The following DPYSL2 variants were observed in gnomAD, a reference collection of about 807,000 sequenced individuals.
DPYSL2 encodes the protein dihydropyrimidinase like 2.
A neutral mutation model predicts 69.9 loss-of-function variants in DPYSL2; 13 were observed. The ratio of observed to expected loss-of-function variants is 0.19; its 90% confidence interval spans 0.12 to 0.30. The LOEUF (loss-of-function observed/expected upper bound fraction) is 0.30, where lower values mean the gene tolerates loss of function less well. Ranked by LOEUF, DPYSL2 falls within the 10% of genes least tolerant of loss-of-function variation. The pLI, the probability that DPYSL2 is intolerant of heterozygous loss-of-function variation, is 1.00. For synonymous variants in DPYSL2, 326 were observed against 359.1 expected (o/e 0.91, Z 1.04); for missense variants, 587 against 918.9 (o/e 0.64, Z 4.67).
Position 26,617,328 on chromosome 8 carries a change from C to CATA in DPYSL2, c.629-6801_629-6799dup, listed in dbSNP as rs1485865418. Among the ~76,000 whole-genome samples, 8 of 152,016 alleles carry CATA rather than the reference C, an allele frequency of 5.3e-5. No homozygotes were observed. In the South Asian group the frequency reaches 1.0e-3, roughly 20 times the overall value. On this transcript the variant is annotated intron_variant, in intron 3 of 13. Coordinates refer to ENST00000521913, the MANE Select transcript of DPYSL2 (RefSeq NM_001197293.3). The surrounding 1 kb of genome is among the most constrained non-coding windows in gnomAD (Gnocchi z 4.7). ...CATAGCGAGACCTATTGTCTCTACA[C>CATA]ATAATAATAATAATAAAATTAGACA...
intron 1 of DPYSL2, among the ~76,000 whole-genome samples, chr8:26,556,962 A>ATTCAGTGT (rs1800998182): frequency 6.6e-6 from 1 of 152,184 alleles, no homozygotes; most frequent in Non-Finnish European, 1.5e-5. Flanking sequence ...AACAAGGACA[A>ATTCAGTGT]TTCAGTGTTG....
At chr8:26,559,282 CA>C (rs1801037788) in intron 1 of DPYSL2, among the ~76,000 whole-genome samples, 1 of 152,160 alleles carries the variant, frequency 6.6e-6, no homozygotes, top group Non-Finnish European at 1.5e-5. Flanking sequence ...CATTCATAAA[CA>C]TGAATATTTG....
At chr8:26,578,830 A>T (rs1801420677) in intron 1 of DPYSL2, among the ~76,000 whole-genome samples, 1 of 152,176 alleles carries the variant, frequency 6.6e-6, no homozygotes, top group African/African-American at 2.4e-5. Flanking sequence ...AGGGATGCTG[A>T]AAAGGGCAGG....
chr8:26,596,737 G>A (rs1407492754), intron 3 of DPYSL2, among the ~76,000 whole-genome samples: 1 of 152,242 alleles, frequency 6.6e-6, no homozygotes, highest in East Asian at 1.9e-4. Flanking sequence ...CTTGCCTGAA[G>A]CCACAGAGCC....
chr8:26,557,924 C>T (rs369599917), intron 1 of DPYSL2, among the ~76,000 whole-genome samples: 1 of 151,740 alleles, frequency 6.6e-6, no homozygotes, highest in Non-Finnish European at 1.5e-5. Context: ...GAGTTCCTGT[C>T]GCTCTACATC....
At chr8:26,631,875 A>G (rs1256934333) in intron 7 of DPYSL2, among the ~76,000 whole-genome samples, 1 of 152,216 alleles carries the variant, frequency 6.6e-6, no homozygotes, top group Non-Finnish European at 1.5e-5. Flanking sequence ...GAGTTTGTCA[A>G]GAGGGATCTG....
intron 1 of DPYSL2, among the ~76,000 whole-genome samples, chr8:26,567,627 G>C (rs900627003): frequency 6.6e-5 from 10 of 152,262 alleles, no homozygotes; most frequent in Non-Finnish European, 1.3e-4. Flanking sequence ...ATAAGAGAAG[G>C]AGTGGTCAGC....
At position 26,533,394 on chromosome 8, in the gene DPYSL2, T is replaced by G. The variant is rs2117614060; in HGVS notation, c.354+18715T>G. On this transcript the variant is annotated intron_variant, in intron 1 of 13. Coordinates refer to ENST00000521913, the MANE Select transcript of DPYSL2 (RefSeq NM_001197293.3). The surrounding 1 kb of genome is among the most constrained non-coding windows in gnomAD (Gnocchi z 4.8). ...CAAAGTGTAACTTATCTATCTTTTCTTTTGTTGCTTGTACTTTTGGTATCC... is the reference window on the plus strand; with the variant it reads ...CAAAGTGTAACTTATCTATCTTTTCGTTTGTTGCTTGTACTTTTGGTATCC... Among the ~76,000 whole-genome samples, 1 of 152,376 alleles carries G rather than the reference T, an allele frequency of 6.6e-6. No homozygotes were observed. Among genetic ancestry groups the G allele is most frequent in the African/African-American group, 2.4e-5 (1 of 41,590 alleles).
chr8:26,534,655 G>T (rs139144892), intron 1 of DPYSL2, among the ~76,000 whole-genome samples: 57 of 151,628 alleles, frequency 3.8e-4, no homozygotes, highest in African/African-American at 1.2e-3. Context: ...TATTATTTAA[G>T]ACAGGGTCTC....
At chr8:26,557,916 G>T (rs1333776865) in intron 1 of DPYSL2, among the ~76,000 whole-genome samples, 9 of 151,828 alleles carry the variant, frequency 5.9e-5, no homozygotes, top group Admixed American at 5.9e-4. Context: ...GCAATGGAGA[G>T]TTCCTGTCGC....
At position 26,517,190 on chromosome 8, in the gene DPYSL2, AAG is replaced by A. The variant is rs139556451; in HGVS notation, c.354+2514_354+2515del. Among the ~76,000 whole-genome samples the A allele has an allele frequency of 0.11, 17,080 of 152,212 alleles. 1,088 individuals carry two copies. The highest frequency in any genetic ancestry group is 0.14 in the Non-Finnish European group (9,851 of 68,002). On this transcript the variant is annotated intron_variant, in intron 1 of 13. Coordinates refer to ENST00000521913, the MANE Select transcript of DPYSL2 (RefSeq NM_001197293.3). The surrounding 1 kb of genome is among the most constrained non-coding windows in gnomAD (Gnocchi z 4.2). Reference sequence around the variant, plus strand: ...TGTGGCTTTGCTCATCTGTTGCACTAAGAGGCCTGCTGTTCCCCTAACAAGGC... The same window carrying A: ...TGTGGCTTTGCTCATCTGTTGCACTAAGGCCTGCTGTTCCCCTAACAAGGC...
At position 26,525,429 on chromosome 8, in the gene DPYSL2, C is replaced by T. The variant is rs981381543; in HGVS notation, c.354+10750C>T. Among the ~76,000 whole-genome samples, 4 of 152,142 alleles carry T rather than the reference C, an allele frequency of 2.6e-5. No individual in the cohort carries two copies. The South Asian group carries it at 8.3e-4, about 32-fold the overall frequency. On this transcript the variant is annotated intron_variant, in intron 1 of 13. Transcript: ENST00000521913. ...TAGAGATGGGATCTCACTATGTTGC[C>T]CAGGCTGGTCATGAACTCCAGGGCT...
Position 26,516,064 on chromosome 8 carries a change from GT to G in DPYSL2, c.354+1386del, listed in dbSNP as rs1282453956. Among the ~76,000 whole-genome samples, 2 of 152,140 alleles carry G rather than the reference GT, an allele frequency of 1.3e-5. No individual in the cohort carries two copies. The highest frequency in any genetic ancestry group is 4.8e-5 in the African/African-American group (2 of 41,418). On this transcript the variant is annotated intron_variant, in intron 1 of 13. Transcript: ENST00000521913. The surrounding 1 kb of genome is among the most constrained non-coding windows in gnomAD (Gnocchi z 4.8). ...TTTTGCAGCTTTTGACTTTTGTAGG[GT>G]CAAGTCTAGGAAAAACAAGGCATTT... is the stretch of plus-strand genomic sequence containing the variant.
In DPYSL2 at chr8:26,628,081, G is replaced by C; in HGVS notation, c.1005+141G>C. 3.6e-6 allele frequency: 3 copies of C among 824,320 alleles called. No individual in the cohort carries two copies. In the South Asian group the frequency reaches 4.8e-5, roughly 13 times the overall value. 51.1% of individuals were successfully genotyped at this position (824,320 alleles called of 1,614,324 possible). A position where few individuals can be genotyped will look rare whatever the true frequency, so the allele number is the denominator to read the frequency against. Reference sequence around the variant, plus strand: ...CTTTCTGAGAAGCTGTGGGTCACGTGTGTGTCTGTCTGTCTACGCAGGCAA... The same window carrying C: ...CTTTCTGAGAAGCTGTGGGTCACGTCTGTGTCTGTCTGTCTACGCAGGCAA... On this transcript the variant is annotated intron_variant, in intron 7 of 13. Transcript: ENST00000521913.
chr8:26,578,007 C>G, intron 1 of DPYSL2: 1 of 1,377,872 alleles, frequency 7.3e-7, no homozygotes, highest in Non-Finnish European at 9.3e-7. Flanking sequence ...CTCTCTCTCT[C>G]TCTCTCTCTC....
In DPYSL2 at chr8:26,654,479, A is replaced by T. The variant is rs1266493239; in HGVS notation, c.1942+1082A>T. Among the ~76,000 whole-genome samples the T allele has an allele frequency of 6.6e-6, 1 of 152,170 alleles. No homozygotes were observed. The highest frequency in any genetic ancestry group is 1.9e-4 in the East Asian group (1 of 5,202). On this transcript the variant is annotated intron_variant, in intron 13 of 13. Coordinates refer to ENST00000521913, the MANE Select transcript of DPYSL2 (RefSeq NM_001197293.3). The surrounding 1 kb of genome is among the most constrained non-coding windows in gnomAD (Gnocchi z 5.0). ...TTAGAAAGTAACCTATGTCCCATAT[A>T]TGGATTACCAGTTTTCAAAACATTT...
At chr8:26,573,450 C>T (rs938011825) in intron 1 of DPYSL2, among the ~76,000 whole-genome samples, 4 of 151,834 alleles carry the variant, frequency 2.6e-5, no homozygotes, top group Non-Finnish European at 4.4e-5. Context: ...GGGTGGATCA[C>T]GAGGTCAGGA....
At chr8:26,645,659 C>T (rs1803147108) in intron 10 of DPYSL2, among the ~76,000 whole-genome samples, 1 of 152,098 alleles carries the variant, frequency 6.6e-6, no homozygotes, top group Non-Finnish European at 1.5e-5. Context: ...AAGCGATTCT[C>T]CTGCCTCAGC....
intron 1 of DPYSL2, among the ~76,000 whole-genome samples, chr8:26,573,141 G>C (rs1801266979): frequency 6.6e-6 from 1 of 152,220 alleles, no homozygotes; most frequent in Non-Finnish European, 1.5e-5. Flanking sequence ...GCCCCGCAGA[G>C]AATAATAAGC....
Sources: allele counts gnomAD v4.1 joint callset (sites outside exome capture counted in the v4.1 genomes callset), GRCh38; gene constraint gnomAD v4.1.1; non-coding constraint Gnocchi (gnomAD v3.1); transcripts MANE v1.5; gene names NCBI Gene and HGNC (gene_info 2026-07-23, HGNC 2026-07-21).